The following SSBP2 variants were observed in gnomAD, a reference collection of about 807,000 sequenced individuals.
The protein encoded by SSBP2 is single-stranded DNA-binding protein 2.
Under a neutral mutation model 61.8 loss-of-function variants are expected in SSBP2, and 17 were observed. The ratio of observed to expected loss-of-function variants is 0.28; its 90% confidence interval spans 0.19 to 0.41. The LOEUF (loss-of-function observed/expected upper bound fraction) is 0.41, where lower values mean the gene tolerates loss of function less well. Among genes scored for constraint, SSBP2 ranks in the 10% least tolerant of loss-of-function variants. The probability of loss-of-function intolerance (pLI) is 1.00; values close to 1 mark genes in which losing one functional copy is unlikely to be tolerated. For missense variants in SSBP2, 310 were observed against 458.7 expected (o/e 0.68, Z 2.96); for synonymous variants, 139 against 141.3 (o/e 0.98, Z 0.12).
In SSBP2 at chr5:81,459,522, T is replaced by G. The variant is rs544776923; in HGVS notation, c.687+1533A>C. ...ATGAGGAATAAGAGAATGGTTTTTG[T>G]GCTTCTAGGTGGGAAGGTTTCCATA... On this transcript the variant is annotated intron_variant, in intron 10 of 16. Coordinates refer to ENST00000320672, the MANE Select transcript of SSBP2 (RefSeq NM_012446.5). Among the ~76,000 whole-genome samples, 54 of 152,296 alleles carry G rather than the reference T, an allele frequency of 3.5e-4. No individual in the cohort carries two copies. In the South Asian group the frequency reaches 0.011, roughly 31 times the overall value.
chr5:81,563,412 T>G (rs1392955943), intron 4 of SSBP2, among the ~76,000 whole-genome samples: 3 of 152,100 alleles, frequency 2.0e-5, no homozygotes, highest in Non-Finnish European at 4.4e-5. Flanking sequence ...TTCTAGAGAA[T>G]ACATAGGAAA....
At chr5:81,507,646 GT>G (rs1344461800) in intron 5 of SSBP2, among the ~76,000 whole-genome samples, 4 of 152,058 alleles carry the variant, frequency 2.6e-5, no homozygotes, top group Non-Finnish European at 5.9e-5. Flanking sequence ...TGATAAGGAA[GT>G]TATAGTTTCC....
intron 4 of SSBP2, among the ~76,000 whole-genome samples, chr5:81,560,004 A>G (rs1772919799): frequency 6.6e-6 from 1 of 152,232 alleles, no homozygotes; most frequent in Non-Finnish European, 1.5e-5. Flanking sequence ...TGATTTCAAC[A>G]TACACAATAT....
At chr5:81,632,356 A>C (rs1169011403) in intron 3 of SSBP2, among the ~76,000 whole-genome samples, 1 of 152,172 alleles carries the variant, frequency 6.6e-6, no homozygotes, top group African/African-American at 2.4e-5. Context: ...GAAATTCCTC[A>C]TGCATTTAGA....
chr5:81,561,250 G>C (rs1396567337), intron 4 of SSBP2, among the ~76,000 whole-genome samples: 1 of 152,032 alleles, frequency 6.6e-6, no homozygotes, highest in Non-Finnish European at 1.5e-5. Flanking sequence ...AAGAGACTGA[G>C]AATAGAAAAA....
chr5:81,661,740 A>G (rs1031882038), intron 1 of SSBP2, among the ~76,000 whole-genome samples: 1 of 151,762 alleles, frequency 6.6e-6, no homozygotes, highest in Non-Finnish European at 1.5e-5. Context: ...CATATTTTTG[A>G]TATTAACCCC....
chr5:81,739,143 G>GA, intron 1 of SSBP2, among the ~76,000 whole-genome samples: 1 of 117,142 alleles, frequency 8.5e-6, no homozygotes, highest in East Asian at 2.9e-4. Flanking sequence ...CCAGCCTGGT[G>GA]ACAGAGTGAG....
intron 2 of SSBP2, among the ~76,000 whole-genome samples, chr5:81,647,632 CT>C (rs1368825072): frequency 6.6e-6 from 1 of 151,918 alleles, no homozygotes; most frequent in Non-Finnish European, 1.5e-5. Flanking sequence ...AATGTGTCTT[CT>C]TGGTGATAAT....
chr5:81,704,381 C>T (rs899650163), intron 1 of SSBP2, among the ~76,000 whole-genome samples: 1 of 152,186 alleles, frequency 6.6e-6, no homozygotes, highest in Admixed American at 6.5e-5. Flanking sequence ...ACTTACATTA[C>T]ATAAAAACCC....
chr5:81,588,848 G>A lies in SSBP2; in HGVS notation c.282+26625C>T, dbSNP rs531683864. Reference sequence around the variant, plus strand: ...GGAGGCTGAGGCAGGTGGAACTCCTGAGCCCAAGAGTTGGAGACCAGCCTG... The same window carrying A: ...GGAGGCTGAGGCAGGTGGAACTCCTAAGCCCAAGAGTTGGAGACCAGCCTG... On this transcript the variant is annotated intron_variant, in intron 4 of 16. Transcript: ENST00000320672. 3.3e-5 allele frequency among the ~76,000 whole-genome samples: 5 copies of A among 152,282 alleles called. No homozygotes were observed. In the South Asian group the frequency reaches 6.2e-4, roughly 19 times the overall value.
At chr5:81,429,689 A>C (rs79620509) in intron 15 of SSBP2, among the ~76,000 whole-genome samples, 5,657 of 151,110 alleles carry the variant, frequency 0.037, 155 homozygotes, top group Middle Eastern at 0.11. Flanking sequence ...TTTTGGAATT[A>C]GTTTTTAGAT....
intron 2 of SSBP2, among the ~76,000 whole-genome samples, chr5:81,642,009 T>C (rs1748834991): frequency 6.6e-6 from 1 of 152,190 alleles, no homozygotes; most frequent in African/African-American, 2.4e-5. Flanking sequence ...CTACAACTAT[T>C]ATCTGGAATA....
chr5:81,581,151 T>C lies in SSBP2; in HGVS notation c.282+34322A>G, dbSNP rs1774611780. ...CAATTAATTACAATTCAAGCTTTTA[T>C]TGCCTGCTCTGCCAGGAACATAGAG... is the stretch of plus-strand genomic sequence containing the variant. On this transcript the variant is annotated intron_variant, in intron 4 of 16. Coordinates refer to ENST00000320672, the MANE Select transcript of SSBP2 (RefSeq NM_012446.5). 5.3e-5 allele frequency among the ~76,000 whole-genome samples: 8 copies of C among 152,186 alleles called. No individual in the cohort carries two copies. In the South Asian group the frequency reaches 1.4e-3, roughly 28 times the overall value.
At chr5:81,506,496 T>A (rs1033673872) in intron 5 of SSBP2, among the ~76,000 whole-genome samples, 1 of 152,170 alleles carries the variant, frequency 6.6e-6, no homozygotes, top group Admixed American at 6.5e-5. Context: ...TTATCTAAGA[T>A]CTAAGATGGT....
intron 1 of SSBP2, among the ~76,000 whole-genome samples, chr5:81,688,174 A>T (rs554113967): frequency 6.6e-6 from 1 of 152,144 alleles, no homozygotes; most frequent in Non-Finnish European, 1.5e-5. Flanking sequence ...TAGGAGCCAC[A>T]GGGAGATTCC....
chr5:81,580,888 G>A (rs1048275850), intron 4 of SSBP2, among the ~76,000 whole-genome samples: 1 of 152,052 alleles, frequency 6.6e-6, no homozygotes, highest in African/African-American at 2.4e-5. Flanking sequence ...GGCGTAAGAT[G>A]ATTAAAGATA....
chr5:81,542,170 C>T (rs975364936), intron 4 of SSBP2, among the ~76,000 whole-genome samples: 14 of 152,028 alleles, frequency 9.2e-5, no homozygotes, highest in African/African-American at 1.2e-4. Context: ...AAAAATGCTC[C>T]GCATCACTAA....
intron 1 of SSBP2, among the ~76,000 whole-genome samples, chr5:81,656,072 A>G (rs1750181806): frequency 6.6e-6 from 1 of 152,130 alleles, no homozygotes; most frequent in South Asian, 2.1e-4. Flanking sequence ...TATGAGACGG[A>G]GTCTTGCTCT....
intron 1 of SSBP2, among the ~76,000 whole-genome samples, chr5:81,736,166 ACACACACACACACACACACACACT>A (rs1180827963): frequency 0.016 from 2,111 of 135,934 alleles, 60 homozygotes; most frequent in African/African-American, 0.061. Flanking sequence ...ACACACACAC[ACACACACACACACACACACACACT>A]CTACGGCACT....
Sources: allele counts gnomAD v4.1 joint callset (sites outside exome capture counted in the v4.1 genomes callset), GRCh38; gene constraint gnomAD v4.1.1; transcripts MANE v1.5; gene names NCBI Gene and HGNC (gene_info 2026-07-23, HGNC 2026-07-21).